Variants in SHROOM3 observed in about 807,000 individuals in gnomAD.
SHROOM3 encodes the protein shroom family member 3.
A neutral mutation model predicts 138.6 loss-of-function variants in SHROOM3; 47 were observed. That is an observed-to-expected ratio of 0.34 (90% CI 0.27 to 0.43). The LOEUF (loss-of-function observed/expected upper bound fraction) is 0.43, where lower values mean the gene tolerates loss of function less well. Among genes scored for constraint, SHROOM3 ranks in the 20% least tolerant of loss-of-function variants. The probability of loss-of-function intolerance (pLI) is 1.00; values close to 1 mark genes in which losing one functional copy is unlikely to be tolerated. For synonymous variants in SHROOM3, 1,062 were observed against 1,063.3 expected (o/e 1.00, Z 0.02); for missense variants, 2,491 against 2,596.5 (o/e 0.96, Z 0.88).
chr4:76,453,213 G>A (rs1371319785), intron 1 of SHROOM3, among the ~76,000 whole-genome samples: 1 of 151,916 alleles, frequency 6.6e-6, no homozygotes, highest in African/African-American at 2.4e-5. Context: ...ATGTGCAAGG[G>A]TTCTAATTTA....
chr4:76,469,968 CCTT>C (rs1391380241), intron 1 of SHROOM3, among the ~76,000 whole-genome samples: 1 of 152,188 alleles, frequency 6.6e-6, no homozygotes, highest in Non-Finnish European at 1.5e-5. Flanking sequence ...TATCAGATCT[CCTT>C]CTTTAAAGCT....
intron 9 of SHROOM3, among the ~76,000 whole-genome samples, chr4:76,767,966 G>A (rs1722218182): frequency 6.6e-6 from 1 of 152,192 alleles, no homozygotes. Flanking sequence ...AAATTTGAAT[G>A]AGCTGAAGGC....
chr4:76,720,773 C>T (rs1022006603), intron 3 of SHROOM3, among the ~76,000 whole-genome samples: 24 of 151,338 alleles, frequency 1.6e-4, no homozygotes, highest in African/African-American at 4.4e-4. Flanking sequence ...CACCACACCC[C>T]GCTAATTTTT....
At chr4:76,731,064 A>T in intron 4 of SHROOM3, 129 bp downstream of exon 4, 2 of 1,295,200 alleles carry the variant, frequency 1.5e-6, no homozygotes, top group South Asian at 1.2e-5. Flanking sequence ...ATCTCTATCC[A>T]CTGCTTTTCT....
chr4:76,574,418 A>G (rs12509930), intron 2 of SHROOM3, among the ~76,000 whole-genome samples: 32,819 of 151,970 alleles, frequency 0.22, 4,406 homozygotes, highest in Middle Eastern at 0.35. Context: ...GAGCCTAGCA[A>G]TCTGATTTAC....
At chr4:76,773,020 T>C (rs2109794318) in intron 10 of SHROOM3, among the ~76,000 whole-genome samples, 1 of 152,252 alleles carries the variant, frequency 6.6e-6, no homozygotes, top group East Asian at 1.9e-4. Context: ...TGTTTAAGAA[T>C]TGATTTGCAT....
At chr4:76,479,007 A>G (rs1731546609) in intron 1 of SHROOM3, among the ~76,000 whole-genome samples, 2 of 152,268 alleles carry the variant, frequency 1.3e-5, no homozygotes, top group South Asian at 4.1e-4. Context: ...AGGTAGATAA[A>G]TCCACGAAGA....
At chr4:76,688,321 C>A in intron 2 of SHROOM3, 1 of 920,190 alleles carries the variant, frequency 1.1e-6, no homozygotes, top group Non-Finnish European at 1.3e-6. Flanking sequence ...GTTGCCATGG[C>A]TGCTAATGCT....
At chr4:76,442,911 AAGT>A (rs1730725404) in intron 1 of SHROOM3, among the ~76,000 whole-genome samples, 1 of 152,156 alleles carries the variant, frequency 6.6e-6, no homozygotes, top group African/African-American at 2.4e-5. Flanking sequence ...AGAGGAAGAT[AAGT>A]ATTAGAGAGG....
intron 2 of SHROOM3, among the ~76,000 whole-genome samples, chr4:76,643,211 CA>C (rs34800196): frequency 0.1 from 12,542 of 124,978 alleles, 504 homozygotes; most frequent in East Asian, 0.15. Context: ...GATGCTGTCT[CA>C]AAAAAAAAAA....
intron 1 of SHROOM3, 95 bp from the exon 2 acceptor site, chr4:76,555,514 C>T: frequency 6.3e-7 from 1 of 1,575,020 alleles, no homozygotes; most frequent in Non-Finnish European, 8.7e-7. Context: ...GTCCGTTGGG[C>T]TCTGCAGGAG....
chr4:76,562,305 C>A (rs887993304), intron 2 of SHROOM3, among the ~76,000 whole-genome samples: 1 of 152,120 alleles, frequency 6.6e-6, no homozygotes, highest in African/African-American at 2.4e-5. Flanking sequence ...AATTCACCGT[C>A]CCATGTTTCT....
chr4:76,572,353 C>A (rs892450898), intron 2 of SHROOM3, among the ~76,000 whole-genome samples: 12 of 152,104 alleles, frequency 7.9e-5, no homozygotes, highest in Admixed American at 2.6e-4. Flanking sequence ...GGTGACAGGA[C>A]CTTCAGGTCA....
intron 2 of SHROOM3, among the ~76,000 whole-genome samples, chr4:76,614,037 G>C (rs1577919759): frequency 4.1e-5 from 1 of 24,666 alleles, no homozygotes; most frequent in Non-Finnish European, 7.9e-5. Flanking sequence ...TTTTTGTTTT[G>C]TTTGTTTGTT....
chr4:76,653,522 C>T (rs1239239174), intron 2 of SHROOM3, among the ~76,000 whole-genome samples: 1 of 151,310 alleles, frequency 6.6e-6, no homozygotes. Context: ...AAAGCATGAA[C>T]TGCAGAGTCA....
At chr4:76,756,215 G>C (rs1234508373) in intron 7 of SHROOM3, among the ~76,000 whole-genome samples, 1 of 152,124 alleles carries the variant, frequency 6.6e-6, no homozygotes, top group Non-Finnish European at 1.5e-5. Context: ...CCTGTGACTA[G>C]GTAGGTAAAT....
intron 1 of SHROOM3, among the ~76,000 whole-genome samples, chr4:76,503,706 G>A (rs1039222542): frequency 9.2e-5 from 14 of 152,174 alleles, no homozygotes; most frequent in African/African-American, 3.4e-4. Flanking sequence ...TGGGATTACA[G>A]GTGTGAGCCA....
At chr4:76,661,121 AT>A (rs2110093151) in intron 2 of SHROOM3, among the ~76,000 whole-genome samples, 1 of 152,226 alleles carries the variant, frequency 6.6e-6, no homozygotes, top group South Asian at 2.1e-4. Context: ...AGATATTTTT[AT>A]TGAGAGATAA....
chr4:76,590,878 C>A (rs1268879104), intron 2 of SHROOM3, among the ~76,000 whole-genome samples: 1 of 152,020 alleles, frequency 6.6e-6, no homozygotes, highest in South Asian at 2.1e-4. Context: ...CTGCATTTTT[C>A]CCCCTCTGTA....
Sources: allele counts gnomAD v4.1 joint callset (sites outside exome capture counted in the v4.1 genomes callset), GRCh38; gene constraint gnomAD v4.1.1; transcripts MANE v1.5; gene names NCBI Gene and HGNC (gene_info 2026-07-23, HGNC 2026-07-21).